The following ZDHHC3 variants were observed in gnomAD, a reference collection of about 807,000 sequenced individuals.
ZDHHC3 encodes palmitoyltransferase ZDHHC3.
In ZDHHC3, 9 loss-of-function variants were observed where a neutral mutation model predicts 30.6. The observed-to-expected ratio is 0.29, with a 90% CI of 0.18 to 0.51. The LOEUF (loss-of-function observed/expected upper bound fraction) is 0.51. Among genes scored for constraint, ZDHHC3 ranks in the 20% least tolerant of loss-of-function variants. The probability of loss-of-function intolerance (pLI) is 0.97; values close to 1 mark genes in which losing one functional copy is unlikely to be tolerated. For missense variants in ZDHHC3, 246 were observed against 384.2 expected, an observed-to-expected ratio of 0.64 and a Z score of 3.01; for synonymous variants, 136 against 140.2, an observed-to-expected ratio of 0.97 and a Z score of 0.21.
Position 44,919,942 on chromosome 3 carries a change from T to C in ZDHHC3, c.*6747A>G, listed in dbSNP as rs1700476922. The C allele has an allele frequency of 6.7e-6, 7 of 1,039,168 alleles. No individual in the cohort carries two copies. In the South Asian group the frequency reaches 2.1e-4, roughly 30 times the overall value. 64.4% of individuals were successfully genotyped at this position (1,039,168 alleles called of 1,614,324 possible). A position where few individuals can be genotyped will look rare whatever the true frequency, so the allele number is the denominator to read the frequency against. ...AAAGCTGGAAATGAGAAATGCCCAA[T>C]AATGATGGTTAAGCAAATGATTCTA... On this transcript the variant is annotated 3_prime_UTR_variant, in exon 7 of 7. Transcript: ENST00000424952.
At chr3:44,966,258 C>T (rs960046714) in intron 1 of ZDHHC3, among the ~76,000 whole-genome samples, 1 of 152,196 alleles carries the variant, frequency 6.6e-6, no homozygotes, top group Non-Finnish European at 1.5e-5. Context: ...AAATAGGATG[C>T]TTTTGGCTTA....
At position 44,926,041 on chromosome 3, in the gene ZDHHC3, C is replaced by A; in HGVS notation, c.*648G>T. ...TTCAGAATACAAATAAGACCTCTTT[C>A]ATCTTTCTCCCCACTCCCCCGCAAA... On this transcript the variant is annotated 3_prime_UTR_variant, in exon 7 of 7. Transcript: ENST00000424952. 1.0e-6 allele frequency: 1 copy of A among 985,890 alleles called. No homozygotes were observed. The highest frequency in any genetic ancestry group is 1.2e-6 in the Non-Finnish European group (1 of 829,948). 61.1% of individuals were successfully genotyped at this position (985,890 alleles called of 1,614,324 possible). A position where few individuals can be genotyped will look rare whatever the true frequency, so the allele number is the denominator to read the frequency against.
At chr3:44,927,386 T>G (rs1701084599) in intron 6 of ZDHHC3, among the ~76,000 whole-genome samples, 1 of 152,164 alleles carries the variant, frequency 6.6e-6, no homozygotes, top group African/African-American at 2.4e-5. Flanking sequence ...GCTCTGGCGT[T>G]GTGTGTCTCA....
intron 1 of ZDHHC3, among the ~76,000 whole-genome samples, chr3:44,963,583 A>C (rs1559718400): frequency 6.6e-6 from 1 of 151,622 alleles, no homozygotes; most frequent in Non-Finnish European, 1.5e-5. Flanking sequence ...GCAAATATGG[A>C]CCCCCTTTTC....
At position 44,959,582 on chromosome 3, in the gene ZDHHC3, T is replaced by A. The variant is rs1021840229; in HGVS notation, c.-24-122A>T. The A allele has an allele frequency of 1.3e-6, 1 of 747,298 alleles. No homozygotes were observed. Among genetic ancestry groups the A allele is most frequent in the African/African-American group, 1.8e-5 (1 of 56,812 alleles). The allele number at this position is 747,298 out of a possible 1,614,324, so 46.3% of individuals were successfully genotyped here. A position where few individuals can be genotyped will look rare whatever the true frequency, so the allele number is the denominator to read the frequency against. Reference sequence around the variant, plus strand: ...TGCAACCCCTGTGTGCAAAGCCACCTAATCACCTTGTTCATTTAAAACATG... The same window carrying A: ...TGCAACCCCTGTGTGCAAAGCCACCAAATCACCTTGTTCATTTAAAACATG... On this transcript the variant is annotated intron_variant, in intron 1 of 6. Coordinates refer to ENST00000424952, the MANE Select transcript of ZDHHC3 (RefSeq NM_001135179.2). The surrounding 1 kb of genome is among the most constrained non-coding windows in gnomAD (Gnocchi z 4.3).
At chr3:44,936,881 C>G (rs891645527) in intron 3 of ZDHHC3, among the ~76,000 whole-genome samples, 1 of 149,972 alleles carries the variant, frequency 6.7e-6, no homozygotes, top group Non-Finnish European at 1.5e-5. Context: ...TAAAACCCCC[C>G]CCCAAAACCT....
In ZDHHC3 at chr3:44,918,278, G is replaced by C. The variant is rs1293649996; in HGVS notation, c.*8411C>G. The C allele has an allele frequency of 1.7e-6, 2 of 1,199,848 alleles. No individual in the cohort carries two copies. The highest frequency in any genetic ancestry group is 1.6e-5 in the African/African-American group (1 of 62,976). 74.3% of individuals were successfully genotyped at this position (1,199,848 alleles called of 1,614,324 possible). A position where few individuals can be genotyped will look rare whatever the true frequency, so the allele number is the denominator to read the frequency against. On this transcript the variant is annotated 3_prime_UTR_variant, in exon 7 of 7. Coordinates refer to ENST00000424952, the MANE Select transcript of ZDHHC3 (RefSeq NM_001135179.2). ...CCACGGCATGGGTAAGATGGGGTCT[G>C]AGTGGGCAGTCTGTTGTGGCCCAGG...
chr3:44,960,014 C>T (rs1265708502), intron 1 of ZDHHC3, among the ~76,000 whole-genome samples: 1 of 152,228 alleles, frequency 6.6e-6, no homozygotes, highest in Non-Finnish European at 1.5e-5. Context: ...CTGCCCACCT[C>T]GGCCTCCCAA....
chr3:44,959,182 C>T lies in ZDHHC3; in HGVS notation c.255G>A (p.Leu85=), dbSNP rs1216796708. 1 of 1,614,256 alleles carries T rather than the reference C, an allele frequency of 6.2e-7. No homozygotes were observed. Among genetic ancestry groups the T allele is most frequent in the East Asian group, 2.2e-5 (1 of 44,886 alleles). The change falls in exon 2 of 7, where the codon CTG becomes CTA. Residue 85 remains leucine (L), a synonymous_variant. Coordinates refer to ENST00000424952, the MANE Select transcript of ZDHHC3 (RefSeq NM_001135179.2). The surrounding 1 kb of genome is among the most constrained non-coding windows in gnomAD (Gnocchi z 4.3). ...YSIINGIVFN[L]LAFLALASHC... is the part of the protein sequence containing the mutation. ...GGGAGGCCAGGGCCAAGAAGGCCAGCAGGTTGAACACAATTCCGTTGATGA... is the reference window on the plus strand; with the variant it reads ...GGGAGGCCAGGGCCAAGAAGGCCAGTAGGTTGAACACAATTCCGTTGATGA...
At position 44,924,524 on chromosome 3, in the gene ZDHHC3, T is replaced by C. The variant is rs1160546785; in HGVS notation, c.*2165A>G. 2.0e-6 allele frequency: 2 copies of C among 985,396 alleles called. No individual in the cohort carries two copies. 61.0% of individuals were successfully genotyped at this position (985,396 alleles called of 1,614,324 possible). A position where few individuals can be genotyped will look rare whatever the true frequency, so the allele number is the denominator to read the frequency against. On this transcript the variant is annotated 3_prime_UTR_variant, in exon 7 of 7. Transcript: ENST00000424952. Reference sequence around the variant, plus strand: ...CACTCTATTGGAAAGATAAGCATAGTATGCACAGCTTTAAAGGAGGAGTTT... The same window carrying C: ...CACTCTATTGGAAAGATAAGCATAGCATGCACAGCTTTAAAGGAGGAGTTT...
At chr3:44,929,837 C>T (rs1559659361) in intron 5 of ZDHHC3, among the ~76,000 whole-genome samples, 2 of 152,198 alleles carry the variant, frequency 1.3e-5, no homozygotes, top group African/African-American at 4.8e-5. Flanking sequence ...GTGGAGAGGC[C>T]TGTCCAGTCC....
intron 1 of ZDHHC3, among the ~76,000 whole-genome samples, chr3:44,974,934 CT>C (rs1705756729): frequency 6.6e-6 from 1 of 152,104 alleles, no homozygotes; most frequent in African/African-American, 2.4e-5. Flanking sequence ...GCCCAGGGAA[CT>C]TCTCTGGGCA....
At position 44,920,040 on chromosome 3, in the gene ZDHHC3, C is replaced by G. The variant is rs986778254; in HGVS notation, c.*6649G>C. On this transcript the variant is annotated 3_prime_UTR_variant, in exon 7 of 7. Coordinates refer to ENST00000424952, the MANE Select transcript of ZDHHC3 (RefSeq NM_001135179.2). ...ATTAGAACATTTGTCTGAGTGGTTA[C>G]TTTTGGGGATGGAATTCTAGAGGAT... is the stretch of plus-strand genomic sequence containing the variant. 1 of 1,175,904 alleles carries G rather than the reference C, an allele frequency of 8.5e-7. No homozygotes were observed. The highest frequency in any genetic ancestry group is 3.5e-4 in the Middle Eastern group (1 of 2,834). 72.8% of individuals were successfully genotyped at this position (1,175,904 alleles called of 1,614,324 possible).
intron 2 of ZDHHC3, among the ~76,000 whole-genome samples, chr3:44,949,817 A>T (rs866509710): frequency 3.3e-5 from 5 of 152,196 alleles, no homozygotes; most frequent in Middle Eastern, 6.8e-3. Context: ...CTCAAGCCCA[A>T]AGGGCCTTAT....
At chr3:44,948,925 G>A (rs1360700464) in intron 2 of ZDHHC3, among the ~76,000 whole-genome samples, 3 of 152,234 alleles carry the variant, frequency 2.0e-5, no homozygotes, top group African/African-American at 4.8e-5. Flanking sequence ...TGAGGATGAG[G>A]AGCCAAAGGC....
At chr3:44,942,220 G>C (rs1702502688) in intron 3 of ZDHHC3, among the ~76,000 whole-genome samples, 1 of 152,254 alleles carries the variant, frequency 6.6e-6, no homozygotes, top group South Asian at 2.1e-4. Flanking sequence ...ACTTTAACCA[G>C]GCAGGCAGCC....
At position 44,923,395 on chromosome 3, in the gene ZDHHC3, T is replaced by A; in HGVS notation, c.*3294A>T. ...CAGTGAGAAGTGTCCGCGCCCGGCTTAAAATGTTTGTTAATTTACCTCACC... is the reference window on the plus strand; with the variant it reads ...CAGTGAGAAGTGTCCGCGCCCGGCTAAAAATGTTTGTTAATTTACCTCACC... On this transcript the variant is annotated 3_prime_UTR_variant, in exon 7 of 7. Transcript: ENST00000424952. The A allele has an allele frequency of 1.0e-6, 1 of 985,400 alleles. No homozygotes were observed. Among genetic ancestry groups the A allele is most frequent in the Non-Finnish European group, 1.2e-6 (1 of 829,928 alleles). The allele number at this position is 985,400 out of a possible 1,614,324, so 61.0% of individuals were successfully genotyped here.
chr3:44,933,425 A>T, intron 4 of ZDHHC3: 1 of 594,342 alleles, frequency 1.7e-6, no homozygotes, highest in Non-Finnish European at 3.0e-6. Context: ...ACCAGAACAG[A>T]AGCAAGCCCG....
chr3:44,918,879 G>A lies in ZDHHC3; in HGVS notation c.*7810C>T. The stretch of plus-strand genomic sequence containing the variant: ...AGATGCCCAGAGGAGGTAAAGACAT[G>A]GCCAGGCCAGCTCTCCAGGCCCACA... On this transcript the variant is annotated 3_prime_UTR_variant, in exon 7 of 7. Coordinates refer to ENST00000424952, the MANE Select transcript of ZDHHC3 (RefSeq NM_001135179.2). The A allele has an allele frequency of 1.0e-6, 1 of 986,228 alleles. No individual in the cohort carries two copies. The highest frequency in any genetic ancestry group is 1.2e-6 in the Non-Finnish European group (1 of 830,564). The allele number at this position is 986,228 out of a possible 1,614,324, so 61.1% of individuals were successfully genotyped here.
Sources: allele counts gnomAD v4.1 joint callset (sites outside exome capture counted in the v4.1 genomes callset), GRCh38; gene constraint gnomAD v4.1.1; non-coding constraint Gnocchi (gnomAD v3.1); transcripts MANE v1.5; gene names NCBI Gene and HGNC (gene_info 2026-07-23, HGNC 2026-07-21).